SLC22A3: variants seen among roughly 807,000 people sequenced by gnomAD.
SLC22A3 encodes the protein EMT organic cation transporter 3.
A neutral mutation model predicts 59.1 loss-of-function variants in SLC22A3; 51 were observed. The ratio of observed to expected loss-of-function variants is 0.86; its 90% CI spans 0.69 to 1.09. The LOEUF (loss-of-function observed/expected upper bound fraction) is 1.09. SLC22A3 is among the 50% of genes least tolerant of loss of function. SLC22A3 has a pLI of 0.00. For synonymous variants in SLC22A3, 325 were observed against 292.0 expected (o/e 1.11, Z -1.15); for missense variants, 711 against 726.3 (o/e 0.98, Z 0.24).
intron 4 of SLC22A3, among the ~76,000 whole-genome samples, chr6:160,409,582 C>T (rs923164572): frequency 2.0e-5 from 3 of 151,528 alleles, no homozygotes; most frequent in Non-Finnish European, 4.4e-5. Flanking sequence ...TTCTAGATCC[C>T]TGAGGAATCG....
chr6:160,437,284 GC>G, intron 7 of SLC22A3, 73 bp downstream of exon 7: 1 of 1,442,478 alleles, frequency 6.9e-7, no homozygotes, highest in South Asian at 1.1e-5. Context: ...AGTATAGGGA[GC>G]CACTTGTTCT....
chr6:160,447,093 T>C (rs1276957981), intron 9 of SLC22A3, among the ~76,000 whole-genome samples: 1 of 152,168 alleles, frequency 6.6e-6, no homozygotes, highest in Admixed American at 6.5e-5. Context: ...TTTCAAGAAG[T>C]TTGGCTCTAA....
At chr6:160,405,529 A>T (rs765164987) in intron 2 of SLC22A3, among the ~76,000 whole-genome samples, 1 of 152,150 alleles carries the variant, frequency 6.6e-6, no homozygotes, top group Non-Finnish European at 1.5e-5. Context: ...AAAATTAAAC[A>T]TACTTTTACT....
chr6:160,445,045 G>A (rs1788689449), intron 9 of SLC22A3, among the ~76,000 whole-genome samples: 1 of 152,236 alleles, frequency 6.6e-6, no homozygotes, highest in African/African-American at 2.4e-5. Context: ...CTTCAGGACT[G>A]CAGCCCACAG....
chr6:160,393,029 A>G (rs1786325092), intron 1 of SLC22A3, among the ~76,000 whole-genome samples: 1 of 152,056 alleles, frequency 6.6e-6, no homozygotes, highest in African/African-American at 2.4e-5. Context: ...AGATATTGCA[A>G]TTTGACTTCA....
intron 1 of SLC22A3, among the ~76,000 whole-genome samples, chr6:160,374,178 C>A (rs966536932): frequency 6.6e-6 from 1 of 152,168 alleles, no homozygotes; most frequent in Non-Finnish European, 1.5e-5. Flanking sequence ...GTTGTGAAGA[C>A]CATGGGAAAA....
At chr6:160,394,927 A>C (rs1222951152) in intron 1 of SLC22A3, among the ~76,000 whole-genome samples, 1 of 152,186 alleles carries the variant, frequency 6.6e-6, no homozygotes, top group Non-Finnish European at 1.5e-5. Flanking sequence ...AGCCAGAAGC[A>C]GAATGTCCAC....
At chr6:160,360,349 C>T (rs1009129754) in intron 1 of SLC22A3, among the ~76,000 whole-genome samples, 2 of 152,042 alleles carry the variant, frequency 1.3e-5, no homozygotes, top group African/African-American at 2.4e-5. Context: ...TCCCAGCTAC[C>T]TGGGAGGCTG....
At chr6:160,443,970 G>T (rs1003132641) in intron 9 of SLC22A3, among the ~76,000 whole-genome samples, 1 of 152,060 alleles carries the variant, frequency 6.6e-6, no homozygotes, top group Non-Finnish European at 1.5e-5. Context: ...TATATTAAAG[G>T]GTGCTGATAA....
chr6:160,388,776 A>C lies in SLC22A3; in HGVS notation c.430-9203A>C, dbSNP rs537958967. Among the ~76,000 whole-genome samples, 6 of 152,350 alleles carry C rather than the reference A, an allele frequency of 3.9e-5. No individual in the cohort carries two copies. In the East Asian group the frequency reaches 1.2e-3, roughly 29 times the overall value. ...TTTTCTTACAAATAAACTTTACAGG[A>C]ATCAGCTTAAGAAGCTAACAGCAAT... is the stretch of plus-strand genomic sequence containing the variant. On this transcript the variant is annotated intron_variant, in intron 1 of 10. Coordinates refer to ENST00000275300, the MANE Select transcript of SLC22A3 (RefSeq NM_021977.4).
chr6:160,409,101 A>G (rs1750792601), intron 4 of SLC22A3, among the ~76,000 whole-genome samples, 180 bp downstream of exon 4: 1 of 127,034 alleles, frequency 7.9e-6, no homozygotes, highest in Non-Finnish European at 1.6e-5. Flanking sequence ...TACATGTGCC[A>G]CGCTGGTGCG....
rs556353088 is a variant in SLC22A3, at chr6:160,451,152, A to C, written c.*96A>C. ...AGATGCACGTGTGCATTTCAGCTAC[A>C]TCATGCCGCGCTGTTGTAATACTGT... On this transcript the variant is annotated 3_prime_UTR_variant, in exon 11 of 11. Transcript: ENST00000275300. 1.8e-6 allele frequency: 2 copies of C among 1,094,868 alleles called. No individual in the cohort carries two copies. Among genetic ancestry groups the C allele is most frequent in the Non-Finnish European group, 1.4e-6 (1 of 730,224 alleles). The allele number at this position is 1,094,868 out of a possible 1,614,324, so 67.8% of individuals were successfully genotyped here.
At chr6:160,425,255 G>T (rs778902380) in intron 5 of SLC22A3, among the ~76,000 whole-genome samples, 18 of 152,092 alleles carry the variant, frequency 1.2e-4, no homozygotes, top group Non-Finnish European at 2.4e-4. Context: ...ATTCTTATTT[G>T]ATCACCACAT....
intron 1 of SLC22A3, among the ~76,000 whole-genome samples, chr6:160,383,374 A>AGCACCCCACTCCACT (rs1562477505): frequency 1.3e-5 from 2 of 151,988 alleles, no homozygotes; most frequent in Non-Finnish European, 2.9e-5. Flanking sequence ...TGTCAGAAAG[A>AGCACCCCACTCCACT]GCACCCCACT....
At chr6:160,366,691 C>G (rs1785217758) in intron 1 of SLC22A3, among the ~76,000 whole-genome samples, 1 of 152,222 alleles carries the variant, frequency 6.6e-6, no homozygotes, top group Non-Finnish European at 1.5e-5. Context: ...CCTGGACATC[C>G]ATGTGTTTCC....
intron 5 of SLC22A3, among the ~76,000 whole-genome samples, chr6:160,424,644 AGGGT>A (rs879643329): frequency 6.6e-6 from 1 of 152,172 alleles, no homozygotes; most frequent in African/African-American, 2.4e-5. Context: ...CATGTTAAGT[AGGGT>A]GGATTGAGTG....
intron 2 of SLC22A3, among the ~76,000 whole-genome samples, chr6:160,403,819 G>A (rs1226119506): frequency 6.6e-6 from 1 of 151,838 alleles, no homozygotes. Context: ...AAAATGACAT[G>A]ATCATATCAA....
chr6:160,369,178 A>G (rs59516506), intron 1 of SLC22A3, among the ~76,000 whole-genome samples: 1,916 of 152,318 alleles, frequency 0.013, 47 homozygotes, highest in African/African-American at 0.043. Context: ...TTATTTTTTC[A>G]GTAATGCTCC....
At chr6:160,407,002 A>G in intron 2 of SLC22A3, 39 bp from the exon 3 acceptor site, 1 of 1,610,608 alleles carries the variant, frequency 6.2e-7, no homozygotes, top group Non-Finnish European at 8.5e-7. Context: ...GTTGAAGAAA[A>G]TGTTTAAGGT....
Sources: allele counts gnomAD v4.1 joint callset (sites outside exome capture counted in the v4.1 genomes callset), GRCh38; gene constraint gnomAD v4.1.1; transcripts MANE v1.5; gene names NCBI Gene and HGNC (gene_info 2026-07-23, HGNC 2026-07-21).